TRIO: variants seen among roughly 807,000 people sequenced by gnomAD.
TRIO encodes the protein trio Rho guanine nucleotide exchange factor.
Under a neutral mutation model 351.9 loss-of-function variants are expected in TRIO, and 58 were observed. The ratio of observed to expected loss-of-function variants is 0.16; its 90% CI spans 0.13 to 0.21. The LOEUF (loss-of-function observed/expected upper bound fraction) is 0.21, where lower values mean the gene tolerates loss of function less well. Ranked by LOEUF, TRIO falls within the 10% of genes least tolerant of loss-of-function variation. The pLI, the probability that TRIO is intolerant of heterozygous loss-of-function variation, is 1.00. For synonymous variants in TRIO, 1,758 were observed against 1,595.7 expected (o/e 1.10, Z -2.42); for missense variants, 3,201 against 4,027.8 (o/e 0.79, Z 5.56).
At chr5:14,320,318 A>T (rs1168533797) in intron 9 of TRIO, among the ~76,000 whole-genome samples, 1 of 152,200 alleles carries the variant, frequency 6.6e-6, no homozygotes, top group Non-Finnish European at 1.5e-5. Context: ...TCCAAAGAGG[A>T]TGCCATCAGA....
intron 30 of TRIO, chr5:14,399,328 A>G (rs1747874671): frequency 2.2e-6 from 1 of 461,024 alleles, no homozygotes; most frequent in African/African-American, 2.0e-5. Flanking sequence ...AGGATAAGAA[A>G]ACATTTCATA....
In TRIO at chr5:14,406,126, ACAT is replaced by A. The variant is rs1748693779; in HGVS notation, c.4859+140_4859+142del. The A allele has an allele frequency of 2.9e-5, 37 of 1,266,802 alleles. 1 individual carries two copies. The South Asian group carries it at 5.7e-4, about 19-fold the overall frequency. 78.5% of individuals were successfully genotyped at this position (1,266,802 alleles called of 1,614,324 possible). ...TTTTTTAAACTGCCATTTGTGGATA[ACAT>A]CATTCTTAGTAATGAAACTGCTTTG... On this transcript the variant is annotated intron_variant, in intron 32 of 56. Transcript: ENST00000344204.
intron 34 of TRIO, among the ~76,000 whole-genome samples, chr5:14,450,472 G>A (rs1333703553): frequency 3.9e-5 from 6 of 152,062 alleles, no homozygotes; most frequent in African/African-American, 7.2e-5. Context: ...CAAAGACCAT[G>A]TGTTCTTCAT....
intron 24 of TRIO, 115 bp downstream of exon 24, chr5:14,388,794 T>G (rs1746788331): frequency 1.6e-6 from 2 of 1,230,026 alleles, no homozygotes; most frequent in Admixed American, 2.5e-5. Flanking sequence ...TTTCTGTCAT[T>G]TTTTTAAATG....
At chr5:14,369,190 A>G (rs577635863) in intron 17 of TRIO, among the ~76,000 whole-genome samples, 184 bp from the exon 18 acceptor site, 1 of 152,310 alleles carries the variant, frequency 6.6e-6, no homozygotes, top group Non-Finnish European at 1.5e-5. Flanking sequence ...CTCGCTCTGA[A>G]AAGTCTGCCT....
intron 31 of TRIO, 73 bp from the exon 32 acceptor site, chr5:14,405,775 A>T (rs556479884): frequency 6.8e-7 from 1 of 1,481,230 alleles, no homozygotes; most frequent in Non-Finnish European, 9.1e-7. Flanking sequence ...GAATGCAGGA[A>T]ACCTGGGTGT....
intron 18 of TRIO, among the ~76,000 whole-genome samples, chr5:14,372,006 T>G (rs1253422743): frequency 6.6e-6 from 1 of 152,112 alleles, no homozygotes; most frequent in Non-Finnish European, 1.5e-5. Context: ...TTGATTTGGT[T>G]GGGTATGTCT....
chr5:14,466,698 A>G (rs564043125), intron 37 of TRIO, among the ~76,000 whole-genome samples: 2 of 152,324 alleles, frequency 1.3e-5, no homozygotes, highest in African/African-American at 4.8e-5. Context: ...AGAGGTAACC[A>G]CTGCGAATAG....
intron 48 of TRIO, chr5:14,488,868 G>C: frequency 1.4e-6 from 1 of 725,434 alleles, no homozygotes; most frequent in South Asian, 1.4e-5. Context: ...CACCTGGCGA[G>C]GCGGCTCTGC....
intron 34 of TRIO, among the ~76,000 whole-genome samples, chr5:14,421,168 G>A (rs530388924): frequency 1.2e-4 from 18 of 151,886 alleles, no homozygotes; most frequent in African/African-American, 4.3e-4. Flanking sequence ...CCAGCCAGTG[G>A]TTAGGGGCTC....
chr5:14,209,134 G>A (rs1791721522), intron 1 of TRIO, among the ~76,000 whole-genome samples: 1 of 152,166 alleles, frequency 6.6e-6, no homozygotes, highest in Admixed American at 6.5e-5. Context: ...GAAACTGAGG[G>A]CTAGTGCCGA....
Position 14,186,670 on chromosome 5 carries a change from C to G in TRIO, c.157+42788C>G, listed in dbSNP as rs557321870. On this transcript the variant is annotated intron_variant, in intron 1 of 56. Coordinates refer to ENST00000344204, the MANE Select transcript of TRIO (RefSeq NM_007118.4). Reference sequence around the variant, plus strand: ...TTGGCTCACTGCAGCCTCTGCCCCCCTGGTTCAAGCGATTCTCTTGCCTCA... The same window carrying G: ...TTGGCTCACTGCAGCCTCTGCCCCCGTGGTTCAAGCGATTCTCTTGCCTCA... 1.2e-4 allele frequency among the ~76,000 whole-genome samples: 18 copies of G among 152,204 alleles called. No homozygotes were observed. The South Asian group carries it at 3.5e-3, about 30-fold the overall frequency.
At chr5:14,279,085 C>G (rs1165514401) in intron 2 of TRIO, among the ~76,000 whole-genome samples, 14 of 152,158 alleles carry the variant, frequency 9.2e-5, no homozygotes, top group Admixed American at 9.2e-4. Context: ...GATACCCTAC[C>G]TGGATCTGTT....
Position 14,498,255 on chromosome 5 carries a change from A to G in TRIO, c.8210+4A>G. On this transcript the variant is annotated splice_donor_region_variant and intron_variant, in intron 52 of 56. Transcript: ENST00000344204. Reference sequence around the variant, plus strand: ...GTCACTACAGCATCTCCTACAGGTGAGGGAGGCCCACTCCTGGTGGGTTTC... The same window carrying G: ...GTCACTACAGCATCTCCTACAGGTGGGGGAGGCCCACTCCTGGTGGGTTTC... 6.2e-7 allele frequency: 1 copy of G among 1,612,978 alleles called. No homozygotes were observed. The highest frequency in any genetic ancestry group is 8.5e-7 in the Non-Finnish European group (1 of 1,179,024).
intron 24 of TRIO, 136 bp from the exon 25 acceptor site, chr5:14,389,153 G>A: frequency 1.6e-6 from 1 of 617,836 alleles, no homozygotes; most frequent in East Asian, 3.2e-5. Context: ...GGTTTTTTAT[G>A]TTTTGTAAAA....
intron 11 of TRIO, among the ~76,000 whole-genome samples, chr5:14,356,729 C>A (rs1743641749): frequency 1.3e-5 from 2 of 152,140 alleles, no homozygotes; most frequent in African/African-American, 4.8e-5. Flanking sequence ...GAGATGCCCA[C>A]CAGCAGATGA....
At chr5:14,488,494 C>T in intron 48 of TRIO, 3 of 584,134 alleles carry the variant, frequency 5.1e-6, no homozygotes, top group Middle Eastern at 4.6e-4. Context: ...ACCTTCTCAA[C>T]GCAGCGTCTT....
At chr5:14,406,189 C>G in intron 32 of TRIO, 199 bp downstream of exon 32, 1 of 803,868 alleles carries the variant, frequency 1.2e-6, no homozygotes, top group Non-Finnish European at 1.9e-6. Context: ...TTAGAGTAAA[C>G]GAAGGGCTGT....
intron 31 of TRIO, 107 bp from the exon 32 acceptor site, chr5:14,405,741 T>C: frequency 7.2e-7 from 1 of 1,391,840 alleles, no homozygotes; most frequent in Non-Finnish European, 9.6e-7. Context: ...TGCTAAAAAG[T>C]CATTTTGAAA....
Sources: gnomAD v4.1 joint callset for allele counts (sites outside exome capture counted in the v4.1 genomes callset) on GRCh38, gnomAD v4.1.1 for gene constraint, MANE v1.5 for transcripts, NCBI Gene and HGNC (gene_info 2026-07-23, HGNC 2026-07-21) for gene names.